SIGLEC5: variants seen among roughly 807,000 people sequenced by gnomAD.
The protein encoded by SIGLEC5 is sialic acid binding Ig like lectin 5.
In SIGLEC5, 34 loss-of-function variants were observed where a neutral mutation model predicts 45.9. That is an observed-to-expected ratio of 0.74 (90% CI 0.56 to 0.99). SIGLEC5 has a LOEUF of 0.99. SIGLEC5 is among the 50% of genes least tolerant of loss of function. The pLI, the probability that SIGLEC5 is intolerant of heterozygous loss-of-function variation, is 0.00. For missense variants in SIGLEC5, 508 were observed against 629.6 expected, an observed-to-expected ratio of 0.81 and a Z score of 2.07; for synonymous variants, 203 against 258.6, an observed-to-expected ratio of 0.79 and a Z score of 2.06.
Position 51,612,221 on chromosome 19 carries a change from G to A in SIGLEC5, c.*10C>T. 1.9e-6 allele frequency: 3 copies of A among 1,584,718 alleles called. No individual in the cohort carries two copies. Among genetic ancestry groups the A allele is most frequent in the Non-Finnish European group, 2.6e-6 (3 of 1,161,426 alleles). Reference sequence around the variant, plus strand: ...GCTCCTCCAGCCAGGACTGAACTCTGGGCAAATCCTCACTTGCTTGTCTTG... The same window carrying A: ...GCTCCTCCAGCCAGGACTGAACTCTAGGCAAATCCTCACTTGCTTGTCTTG... On this transcript the variant is annotated 3_prime_UTR_variant, in exon 9 of 9. Coordinates refer to ENST00000683636, the MANE Select transcript of SIGLEC5 (RefSeq NM_003830.4).
At chr19:51,626,380 C>T (rs1373030455) in intron 7 of SIGLEC5, among the ~76,000 whole-genome samples, 2 of 152,264 alleles carry the variant, frequency 1.3e-5, no homozygotes, top group East Asian at 3.9e-4. Context: ...CAGTGTTATG[C>T]ATCATAGCCA....
intron 8 of SIGLEC5, chr19:51,621,158 A>G (rs1983267962): frequency 6.6e-6 from 1 of 152,260 alleles, no homozygotes; most frequent in South Asian, 2.1e-4. Context: ...CTCTAAATCC[A>G]GAGAGCTGAC....
chr19:51,623,262 T>A (rs980731887), intron 8 of SIGLEC5, among the ~76,000 whole-genome samples: 2 of 152,344 alleles, frequency 1.3e-5, no homozygotes, highest in African/African-American at 4.8e-5. Context: ...AAATTTTTTT[T>A]AATGAGATCC....
chr19:51,619,189 C>T (rs138536366), intron 8 of SIGLEC5, among the ~76,000 whole-genome samples: 19,848 of 152,226 alleles, frequency 0.13, 1,406 homozygotes, highest in Middle Eastern at 0.22. Flanking sequence ...ATTCTCCTGC[C>T]TCAGCCTCCT....
chr19:51,612,131 C>A lies in SIGLEC5; in HGVS notation c.*100G>T. ...TAAACATCAGTTAATGTTAACATTG[C>A]CACAAGGGCTCTTCGTGCTTCAGCA... On this transcript the variant is annotated 3_prime_UTR_variant, in exon 9 of 9. Transcript: ENST00000683636. 1 of 875,950 alleles carries A rather than the reference C, an allele frequency of 1.1e-6. No individual in the cohort carries two copies. The highest frequency in any genetic ancestry group is 1.7e-6 in the Non-Finnish European group (1 of 577,372). The allele number at this position is 875,950 out of a possible 1,614,324, so 54.3% of individuals were successfully genotyped here. A position where few individuals can be genotyped will look rare whatever the true frequency, so the allele number is the denominator to read the frequency against.
rs1983510223 is a variant in SIGLEC5, at chr19:51,627,162, T to C, written c.1369A>G (p.Ile457Val). The C allele has an allele frequency of 1.9e-6, 3 of 1,613,594 alleles. No individual in the cohort carries two copies. Among genetic ancestry groups the C allele is most frequent in the Non-Finnish European group, 2.5e-6 (3 of 1,179,586 alleles). ...ACCAAGACTTACATTAAAAAGAAGATGAGGCACAGACAGATACAGAGCAGG... is the reference window on the plus strand; with the variant it reads ...ACCAAGACTTACATTAAAAAGAAGACGAGGCACAGACAGATACAGAGCAGG... ...MALLCICLCL[I>V]FFLIVKARRK... The change falls in exon 7 of 9, where the codon ATC (isoleucine) becomes GTC (valine). Residue 457 changes from isoleucine to valine, a missense_variant. This residue lies in a region of SIGLEC5 where 431 missense variants were observed against 428.8 expected (regional missense o/e 1.01). Transcript: ENST00000683636.
intron 8 of SIGLEC5, among the ~76,000 whole-genome samples, chr19:51,617,186 C>T (rs1213265176): frequency 1.3e-5 from 2 of 149,312 alleles, no homozygotes; most frequent in African/African-American, 5.0e-5. Flanking sequence ...ACCCGGGAGG[C>T]GGAGCTTGCA....
chr19:51,621,502 T>C (rs1450985919), intron 8 of SIGLEC5: 3 of 152,198 alleles, frequency 2.0e-5, no homozygotes, highest in Non-Finnish European at 4.4e-5. Flanking sequence ...CTGCAGAGTA[T>C]ACATGAGGAC....
rs1156506962 is a variant in SIGLEC5, at chr19:51,611,195, C to G, written c.*1036G>C. On this transcript the variant is annotated 3_prime_UTR_variant, in exon 9 of 9. Coordinates refer to ENST00000683636, the MANE Select transcript of SIGLEC5 (RefSeq NM_003830.4). ...TGTCATTTATCTGGGTTTGGAGATA[C>G]CCTAGATAAGTAACTGGAGAATTTT... 6.6e-6 allele frequency among the ~76,000 whole-genome samples: 1 copy of G among 152,110 alleles called. No individual in the cohort carries two copies. Among genetic ancestry groups the G allele is most frequent in the African/African-American group, 2.4e-5 (1 of 41,410 alleles).
intron 8 of SIGLEC5, among the ~76,000 whole-genome samples, chr19:51,620,732 A>G (rs1983254550): frequency 1.3e-5 from 2 of 152,200 alleles, no homozygotes; most frequent in South Asian, 4.1e-4. Flanking sequence ...TTGAAACAAG[A>G]AAAAGGAAAG....
rs762129815 is a variant in SIGLEC5, at chr19:51,628,813, A to ATG, written c.739+223_739+224dup. 5.8e-3 allele frequency among the ~76,000 whole-genome samples: 697 copies of ATG among 120,584 alleles called. 5 individuals are homozygous for ATG. Among genetic ancestry groups the ATG allele is most frequent in the African/African-American group, 0.021 (644 of 30,490 alleles). The allele number at this position is 120,584 out of a possible 152,430, so 79.1% of individuals were successfully genotyped here. ...ATGTGTATGTGTGTGGTGTATATGC[A>ATG]TGTGTGTGTGTGCGTGTGTGTGTGC... On this transcript the variant is annotated intron_variant, in intron 4 of 8. Coordinates refer to ENST00000683636, the MANE Select transcript of SIGLEC5 (RefSeq NM_003830.4).
At chr19:51,618,335 A>G (rs1388989278) in intron 8 of SIGLEC5, among the ~76,000 whole-genome samples, 2 of 151,570 alleles carry the variant, frequency 1.3e-5, no homozygotes, top group African/African-American at 2.4e-5. Context: ...GGATGGGAGA[A>G]AATGAAAAAG....
chr19:51,620,491 T>C (rs7251908), intron 8 of SIGLEC5, among the ~76,000 whole-genome samples: 45,450 of 152,084 alleles, frequency 0.3, 7,691 homozygotes, highest in African/African-American at 0.46. Flanking sequence ...TCATTCCCCA[T>C]GGTAACAGAT....
chr19:51,625,697 G>C (rs1273508188), intron 8 of SIGLEC5, among the ~76,000 whole-genome samples: 1 of 152,192 alleles, frequency 6.6e-6, no homozygotes, highest in Non-Finnish European at 1.5e-5. Flanking sequence ...GGGCATGGTG[G>C]TGTGCGCCTG....
At chr19:51,621,249 A>C (rs1983270448) in intron 8 of SIGLEC5, 1 of 152,180 alleles carries the variant, frequency 6.6e-6, no homozygotes, top group Non-Finnish European at 1.5e-5. Flanking sequence ...GAGAAATTCA[A>C]CCCCATCAAT....
chr19:51,628,097 G>T lies in SIGLEC5; in HGVS notation c.740-6C>A, dbSNP rs1440789271. On this transcript the variant is annotated splice_polypyrimidine_tract_variant and splice_region_variant and intron_variant, in intron 4 of 8. Transcript: ENST00000683636. ...GTTTTGCAGGATCTCTAGGGCTTTGGGGAGAGAAGGGTGGGGAAAGAGAGA... is the reference window on the plus strand; with the variant it reads ...GTTTTGCAGGATCTCTAGGGCTTTGTGGAGAGAAGGGTGGGGAAAGAGAGA... 1.9e-5 allele frequency: 28 copies of T among 1,511,778 alleles called. No individual in the cohort carries two copies. Among genetic ancestry groups the T allele is most frequent in the Non-Finnish European group, 2.5e-5 (28 of 1,129,398 alleles). The allele number at this position is 1,511,778 out of a possible 1,614,324, so 93.6% of individuals were successfully genotyped here. A position where few individuals can be genotyped will look rare whatever the true frequency, so the allele number is the denominator to read the frequency against.
chr19:51,611,123 A>G lies in SIGLEC5; in HGVS notation c.*1108T>C, dbSNP rs1249397804. 6.6e-6 allele frequency among the ~76,000 whole-genome samples: 1 copy of G among 152,222 alleles called. No homozygotes were observed. Among genetic ancestry groups the G allele is most frequent in the Non-Finnish European group, 1.5e-5 (1 of 68,044 alleles). On this transcript the variant is annotated 3_prime_UTR_variant, in exon 9 of 9. Coordinates refer to ENST00000683636, the MANE Select transcript of SIGLEC5 (RefSeq NM_003830.4). The stretch of plus-strand genomic sequence containing the variant: ...CAATGTCCTCCCAGTACTCCACTGG[A>G]ATTATCCACTCATTTCCTCATGACC...
chr19:51,629,271 T>TACAC (rs72330913), intron 3 of SIGLEC5, 87 bp downstream of exon 3: 172,244 of 1,407,378 alleles, frequency 0.12, 1,202 homozygotes, highest in East Asian at 0.16. Flanking sequence ...CTGTCTTCCT[T>TACAC]ACACACACAC....
chr19:51,620,691 C>G (rs1263824817), intron 8 of SIGLEC5, among the ~76,000 whole-genome samples: 1 of 152,304 alleles, frequency 6.6e-6, no homozygotes, highest in South Asian at 2.1e-4. Flanking sequence ...ACTATGTCTA[C>G]TCAACTTTGA....
Sources: gnomAD v4.1 joint callset for allele counts (sites outside exome capture counted in the v4.1 genomes callset) on GRCh38, gnomAD v4.1.1 for gene constraint, gnomAD v4.1.1 regional missense constraint, MANE v1.5 for transcripts, NCBI Gene and HGNC (gene_info 2026-07-23, HGNC 2026-07-21) for gene names.